SGTA: variants seen among roughly 807,000 people sequenced by gnomAD.
The protein encoded by SGTA is small glutamine rich tetratricopeptide repeat co-chaperone alpha.
SGTA carries 22 observed loss-of-function variants against 44.3 expected under a neutral mutation model. That is an observed-to-expected ratio of 0.50 (90% confidence interval 0.36 to 0.71). The LOEUF is 0.71. Ranked by LOEUF, SGTA falls within the 30% of genes least tolerant of loss-of-function variation. The pLI is 0.00. For synonymous variants in SGTA, 174 were observed against 177.6 expected (o/e 0.98, Z 0.16); for missense variants, 341 against 435.9 (o/e 0.78, Z 1.94).
At chr19:2,759,193 A>G in intron 9 of SGTA, 64 bp downstream of exon 9, 1 of 1,475,126 alleles carries the variant, frequency 6.8e-7, no homozygotes, top group Non-Finnish European at 9.5e-7. Context: ...TGTTAAGTGA[A>G]TTTACCCACA....
In SGTA at chr19:2,777,002, C is replaced by A. The variant is rs149297653; in HGVS notation, c.-24+6231G>T. On this transcript the variant is annotated intron_variant, in intron 1 of 11. Coordinates refer to ENST00000221566, the MANE Select transcript of SGTA (RefSeq NM_003021.4). Reference sequence around the variant, plus strand: ...GACTGGTCGGGCACAGTGGCTCATGCCTGTAATCCCAACACTTTGGGAAGC... The same window carrying A: ...GACTGGTCGGGCACAGTGGCTCATGACTGTAATCCCAACACTTTGGGAAGC... Among the ~76,000 whole-genome samples, 1,196 of 151,882 alleles carry A rather than the reference C, an allele frequency of 7.9e-3. 17 individuals are homozygous for A. The highest frequency in any genetic ancestry group is 0.027 in the African/African-American group (1,136 of 41,318).
chr19:2,775,207 C>T (rs1274786160), intron 1 of SGTA, among the ~76,000 whole-genome samples: 3 of 152,364 alleles, frequency 2.0e-5, no homozygotes, highest in East Asian at 1.9e-4. Flanking sequence ...GCCACAGGCA[C>T]GGCAGGATCC....
chr19:2,774,875 T>C (rs1209190268), intron 1 of SGTA, among the ~76,000 whole-genome samples: 1 of 152,124 alleles, frequency 6.6e-6, no homozygotes, highest in Non-Finnish European at 1.5e-5. Flanking sequence ...TGTGTGTGCG[T>C]GCATGTCTCT....
intron 2 of SGTA, among the ~76,000 whole-genome samples, chr19:2,768,338 G>A (rs577483290): frequency 1.3e-4 from 20 of 152,298 alleles, no homozygotes; most frequent in South Asian, 8.3e-4. Context: ...CAAGGACCCC[G>A]GGCACATCCC....
intron 1 of SGTA, chr19:2,782,773 AG>A (rs1372468825): frequency 6.6e-6 from 1 of 152,262 alleles, no homozygotes; most frequent in African/African-American, 2.4e-5. Context: ...CGTTTTACAG[AG>A]GGGAAAACTG....
At chr19:2,776,139 G>C (rs908244995) in intron 1 of SGTA, among the ~76,000 whole-genome samples, 2 of 152,142 alleles carry the variant, frequency 1.3e-5, no homozygotes, top group Non-Finnish European at 2.9e-5. Flanking sequence ...CGGCCAACAG[G>C]GTTCAGAGAG....
Position 2,763,824 on chromosome 19 carries a change from G to A in SGTA, c.393-67C>T. 2 of 1,310,656 alleles carry A rather than the reference G, an allele frequency of 1.5e-6. No individual in the cohort carries two copies. Among genetic ancestry groups the A allele is most frequent in the East Asian group, 2.5e-5 (1 of 40,784 alleles). The allele number at this position is 1,310,656 out of a possible 1,614,324, so 81.2% of individuals were successfully genotyped here. A position where few individuals can be genotyped will look rare whatever the true frequency, so the allele number is the denominator to read the frequency against. On this transcript the variant is annotated intron_variant, in intron 5 of 11. Coordinates refer to ENST00000221566, the MANE Select transcript of SGTA (RefSeq NM_003021.4). The surrounding 1 kb of genome is among the most constrained non-coding windows in gnomAD (Gnocchi z 5.8). Reference sequence around the variant, plus strand: ...TGAGCCCAGCGGGCAGCCCTTGAGGGGAGCCTGAGAGCTGCGTTCCTCTCC... The same window carrying A: ...TGAGCCCAGCGGGCAGCCCTTGAGGAGAGCCTGAGAGCTGCGTTCCTCTCC...
chr19:2,782,399 C>G (rs2144746812), intron 1 of SGTA, among the ~76,000 whole-genome samples: 1 of 152,312 alleles, frequency 6.6e-6, no homozygotes, highest in South Asian at 2.1e-4. Context: ...TTTTCTGGCA[C>G]CTAATAACAA....
At chr19:2,762,979 G>C (rs904907777) in intron 6 of SGTA, among the ~76,000 whole-genome samples, 2 of 152,168 alleles carry the variant, frequency 1.3e-5, no homozygotes, top group Admixed American at 6.5e-5. Flanking sequence ...CCCGCTTCCC[G>C]GCACAGGGCA....
At chr19:2,766,301 C>T (rs960975534) in intron 4 of SGTA, among the ~76,000 whole-genome samples, 17 of 152,200 alleles carry the variant, frequency 1.1e-4, no homozygotes, top group African/African-American at 4.1e-4. Context: ...CTTCACGGTG[C>T]ATCTGCGCTG....
chr19:2,776,203 C>A (rs1915442034), intron 1 of SGTA, among the ~76,000 whole-genome samples: 1 of 152,212 alleles, frequency 6.6e-6, no homozygotes, highest in Admixed American at 6.5e-5. Flanking sequence ...ACACATGCCA[C>A]CCGAAAGGTG....
At chr19:2,769,227 G>A (rs942471052) in intron 1 of SGTA, 136 bp from the exon 2 acceptor site, 4 of 605,542 alleles carry the variant, frequency 6.6e-6, no homozygotes, top group Non-Finnish European at 1.2e-5. Context: ...CAGGTAGAAA[G>A]GCCTTAATAC....
At chr19:2,758,626 A>G (rs559705850) in intron 9 of SGTA, among the ~76,000 whole-genome samples, 2 of 152,308 alleles carry the variant, frequency 1.3e-5, no homozygotes, top group South Asian at 4.1e-4. Context: ...CAGCGAGTGC[A>G]CTCAGAAGTT....
In SGTA at chr19:2,772,934, T is replaced by C. The variant is rs199954714; in HGVS notation, c.-23-3843A>G. 9.0e-4 allele frequency among the ~76,000 whole-genome samples: 59 copies of C among 65,468 alleles called. 2 individuals carry two copies. The highest frequency in any genetic ancestry group is 5.4e-3 in the African/African-American group (40 of 7,420). 42.9% of individuals were successfully genotyped at this position (65,468 alleles called of 152,430 possible). ...CAGGGACACCGAGGGCAGAGGTGGGTGACGCGGCCACACGGCAGGGACACC... is the reference window on the plus strand; with the variant it reads ...CAGGGACACCGAGGGCAGAGGTGGGCGACGCGGCCACACGGCAGGGACACC... On this transcript the variant is annotated intron_variant, in intron 1 of 11. Coordinates refer to ENST00000221566, the MANE Select transcript of SGTA (RefSeq NM_003021.4).
In SGTA at chr19:2,765,394, A is replaced by G. The variant is rs757444468; in HGVS notation, c.293-109T>C. 1.0e-3 allele frequency: 801 copies of G among 782,308 alleles called. 5 individuals are homozygous for G. In the Middle Eastern group the frequency reaches 0.023, roughly 22 times the overall value. 48.5% of individuals were successfully genotyped at this position (782,308 alleles called of 1,614,324 possible). A position where few individuals can be genotyped will look rare whatever the true frequency, so the allele number is the denominator to read the frequency against. On this transcript the variant is annotated intron_variant, in intron 4 of 11. Transcript: ENST00000221566. The surrounding 1 kb of genome is among the most constrained non-coding windows in gnomAD (Gnocchi z 5.5). ...GTCCACACAGACCCGAGGGGGCGTC[A>G]CACTTGGCTCTTCTGGGCAGCCAGG...
intron 1 of SGTA, among the ~76,000 whole-genome samples, chr19:2,773,932 G>C (rs1365691844): frequency 9.0e-6 from 1 of 111,476 alleles, no homozygotes; most frequent in Non-Finnish European, 1.7e-5. Flanking sequence ...GCGGCCACAC[G>C]GCAGGGACTC....
At chr19:2,759,458 GC>G in intron 8 of SGTA, 164 bp from the exon 9 acceptor site, 8 of 632,830 alleles carry the variant, frequency 1.3e-5, no homozygotes, top group South Asian at 1.9e-5. Context: ...CTACATTTTC[GC>G]CCCCCCACCC....
chr19:2,760,539 A>AC (rs1914958762), intron 8 of SGTA, among the ~76,000 whole-genome samples: 2 of 151,120 alleles, frequency 1.3e-5, no homozygotes, highest in Non-Finnish European at 2.9e-5. Context: ...AAAAAAAAAA[A>AC]ACCAAAAAAA....
chr19:2,774,697 T>A (rs190210975), intron 1 of SGTA, among the ~76,000 whole-genome samples: 1 of 152,148 alleles, frequency 6.6e-6, no homozygotes, highest in Non-Finnish European at 1.5e-5. Context: ...CCCATGAACA[T>A]TGGCAAACTC....
Sources: allele counts gnomAD v4.1 joint callset (sites outside exome capture counted in the v4.1 genomes callset), GRCh38; gene constraint gnomAD v4.1.1; non-coding constraint Gnocchi (gnomAD v3.1); transcripts MANE v1.5; gene names NCBI Gene and HGNC (gene_info 2026-07-23, HGNC 2026-07-21).